IBTK: variants seen among roughly 807,000 people sequenced by gnomAD.
IBTK encodes the protein BTK-binding protein.
Under a neutral mutation model 154.9 loss-of-function variants are expected in IBTK, and 83 were observed. The ratio of observed to expected loss-of-function variants is 0.54; its 90% CI spans 0.45 to 0.64. The LOEUF (loss-of-function observed/expected upper bound fraction) is 0.64. IBTK is among the 30% of genes least tolerant of loss of function. IBTK has a pLI of 0.00. For missense variants in IBTK, 1,332 were observed against 1,584.6 expected, an observed-to-expected ratio of 0.84 and a Z score of 2.71; for synonymous variants, 515 against 536.1, an observed-to-expected ratio of 0.96 and a Z score of 0.54.
In IBTK at chr6:82,191,773, T is replaced by C; in HGVS notation, c.3431+14A>G. On this transcript the variant is annotated intron_variant, in intron 24 of 28. Transcript: ENST00000306270. ...TACAACATGAAATGATCTTTTGTAA[T>C]GTTTTCAACCCACCCTAAATGTGAC... 6.9e-7 allele frequency: 1 copy of C among 1,453,308 alleles called. No individual in the cohort carries two copies. The highest frequency in any genetic ancestry group is 9.7e-7 in the Non-Finnish European group (1 of 1,033,526). The allele number at this position is 1,453,308 out of a possible 1,614,324, so 90.0% of individuals were successfully genotyped here. A position where few individuals can be genotyped will look rare whatever the true frequency, so the allele number is the denominator to read the frequency against.
At position 82,220,657 on chromosome 6, in the gene IBTK, T is replaced by G. The variant is rs142432835; in HGVS notation, c.1181A>C (p.Asp394Ala). 228 of 1,612,396 alleles carry G rather than the reference T, an allele frequency of 1.4e-4. 9 individuals carry two copies. In the South Asian group the frequency reaches 2.4e-3, roughly 17 times the overall value. The change falls in exon 9 of 29, where the codon GAT (aspartate) becomes GCT (alanine). Residue 394 changes from aspartate to alanine, a missense_variant. Asp to Ala is a moderately radical substitution (Grantham distance 126). This residue lies in a region of IBTK where 1,134 missense variants were observed against 1,274.7 expected (regional missense o/e 0.89). Coordinates refer to ENST00000306270, the MANE Select transcript of IBTK (RefSeq NM_015525.4). ...CCCATTTTCTTTCAAATGTTCAGGA[T>G]CAACCTTGTATTCCATATGACCCCC... is the stretch of plus-strand genomic sequence containing the variant. The part of the protein sequence containing the change: ...VSGGHMEYKV[D>A]PEHLKENGGQ...
At position 82,222,689 on chromosome 6, in the gene IBTK, A is replaced by G. The variant is rs147352387; in HGVS notation, c.1124+751T>C. ...AGCACTGGTTCCTTAAATCATTCAA[A>G]ATGAAATGACAGGTGACACATTATG... On this transcript the variant is annotated intron_variant, in intron 8 of 28. Coordinates refer to ENST00000306270, the MANE Select transcript of IBTK (RefSeq NM_015525.4). 3.3e-3 allele frequency among the ~76,000 whole-genome samples: 498 copies of G among 152,298 alleles called. 3 individuals are homozygous for G. The highest frequency in any genetic ancestry group is 0.011 in the African/African-American group (463 of 41,572).
intron 26 of IBTK, among the ~76,000 whole-genome samples, chr6:82,176,483 T>C (rs1251128597): frequency 1.4e-5 from 2 of 142,622 alleles, no homozygotes; most frequent in East Asian, 2.0e-4. Flanking sequence ...ATCACGCCAT[T>C]GCACTCCATC....
At chr6:82,190,653 CAGA>C (rs1481566973) in intron 25 of IBTK, among the ~76,000 whole-genome samples, 3 of 152,094 alleles carry the variant, frequency 2.0e-5, no homozygotes, top group South Asian at 2.1e-4. Flanking sequence ...ATGGAGCATG[CAGA>C]AGGACAAAGA....
At chr6:82,237,585 G>T (rs758478079) in intron 2 of IBTK, among the ~76,000 whole-genome samples, 3 of 150,642 alleles carry the variant, frequency 2.0e-5, no homozygotes, top group Non-Finnish European at 4.4e-5. Flanking sequence ...AGTAGTAGTA[G>T]TAGTAGTGGT....
Position 82,216,171 on chromosome 6 carries a change from T to C in IBTK, c.1506A>G (p.Arg502=). 1.2e-6 allele frequency: 2 copies of C among 1,612,894 alleles called. No homozygotes were observed. The highest frequency in any genetic ancestry group is 1.7e-6 in the Non-Finnish European group (2 of 1,179,068). ...TATGTGCAAAGGTAAGTTTCTCAAGTCGAATTCTTTCATACACACTATTTA... is the reference window on the plus strand; with the variant it reads ...TATGTGCAAAGGTAAGTTTCTCAAGCCGAATTCTTTCATACACACTATTTA... ...SDINSVYERI[R]LEKLTFAHRA... is the part of the protein sequence containing the mutation. The change falls in exon 11 of 29, where the codon CGA becomes CGG. Residue 502 remains arginine (R), a synonymous_variant. Coordinates refer to ENST00000306270, the MANE Select transcript of IBTK (RefSeq NM_015525.4).
At chr6:82,245,300 T>G (rs1771101842) in intron 1 of IBTK, among the ~76,000 whole-genome samples, 1 of 152,182 alleles carries the variant, frequency 6.6e-6, no homozygotes, top group South Asian at 2.1e-4. Context: ...GGCTCATGCC[T>G]GTAGTCCCAA....
intron 9 of IBTK, among the ~76,000 whole-genome samples, chr6:82,219,649 GA>G (rs1770020129): frequency 8.2e-6 from 1 of 122,036 alleles, no homozygotes; most frequent in Non-Finnish European, 1.6e-5. Flanking sequence ...ATATATTTCA[GA>G]AAATAATCTT....
intron 28 of IBTK, 31 bp downstream of exon 28, chr6:82,172,349 T>C (rs1273387099): frequency 1.9e-6 from 3 of 1,590,842 alleles, no homozygotes; most frequent in African/African-American, 1.4e-5. Context: ...AGTTCTTCTC[T>C]AAATTAAACC....
At chr6:82,176,639 TA>T (rs1248731400) in intron 26 of IBTK, among the ~76,000 whole-genome samples, 3 of 151,858 alleles carry the variant, frequency 2.0e-5, no homozygotes, top group Admixed American at 6.6e-5. Flanking sequence ...AAAGAATACC[TA>T]AGTAACAATA....
intron 19 of IBTK, 31 bp from the exon 20 acceptor site, chr6:82,200,739 A>G (rs1769172845): frequency 6.7e-7 from 1 of 1,492,460 alleles, no homozygotes; most frequent in South Asian, 1.3e-5. Context: ...CTTTTCAAAT[A>G]CAAAATCTGT....
chr6:82,200,753 G>GATT, intron 19 of IBTK, 45 bp from the exon 20 acceptor site: 1 of 392,562 alleles, frequency 2.5e-6, no homozygotes, highest in Non-Finnish European at 3.5e-6. Context: ...AATCTGTGAA[G>GATT]TTTTTTTTTT....
At chr6:82,228,025 A>G (rs2127822505) in intron 4 of IBTK, among the ~76,000 whole-genome samples, 1 of 152,148 alleles carries the variant, frequency 6.6e-6, no homozygotes, top group Admixed American at 6.5e-5. Context: ...CAATAACAGG[A>G]AACCATCAGC....
At chr6:82,192,948 AT>A (rs1768829099) in intron 23 of IBTK, among the ~76,000 whole-genome samples, 2 of 151,142 alleles carry the variant, frequency 1.3e-5, no homozygotes, top group Non-Finnish European at 2.9e-5. Context: ...AAATACAAAA[AT>A]TGGCTGAGCA....
chr6:82,197,278 T>A (rs1404873380), intron 21 of IBTK, among the ~76,000 whole-genome samples: 1 of 152,128 alleles, frequency 6.6e-6, no homozygotes, highest in African/African-American at 2.4e-5. Context: ...CTCTTTAAAG[T>A]AAATCACCTT....
intron 8 of IBTK, among the ~76,000 whole-genome samples, chr6:82,222,673 T>A (rs1495558): frequency 0.24 from 36,261 of 152,076 alleles, 4,380 homozygotes; most frequent in African/African-American, 0.28. Flanking sequence ...AAGCACTGGT[T>A]CCTTAAATCA....
intron 23 of IBTK, among the ~76,000 whole-genome samples, chr6:82,192,213 A>C (rs1768795272): frequency 6.6e-6 from 1 of 152,150 alleles, no homozygotes; most frequent in South Asian, 2.1e-4. Context: ...CAATAGAAAG[A>C]TTCTTAACTA....
chr6:82,190,929 T>A (rs1276297038), intron 25 of IBTK, 144 bp downstream of exon 25: 1 of 541,580 alleles, frequency 1.8e-6, no homozygotes, highest in African/African-American at 2.0e-5. Flanking sequence ...CAAGTTCCAA[T>A]TTTTAACTTG....
intron 15 of IBTK, 52 bp downstream of exon 15, chr6:82,211,315 A>T (rs1769627263): frequency 6.9e-7 from 1 of 1,442,458 alleles, no homozygotes; most frequent in East Asian, 2.3e-5. Context: ...ACTTTGCACA[A>T]AATATAAAGA....
Sources: allele counts gnomAD v4.1 joint callset (sites outside exome capture counted in the v4.1 genomes callset), GRCh38; gene constraint gnomAD v4.1.1; regional missense constraint gnomAD v4.1.1; transcripts MANE v1.5; gene names NCBI Gene and HGNC (gene_info 2026-07-23, HGNC 2026-07-21).